TMC5: variants seen among roughly 807,000 people sequenced by gnomAD.
The protein encoded by TMC5 is transmembrane channel-like protein 5.
In TMC5, 86 loss-of-function variants were observed where a neutral mutation model predicts 110.5. That is an observed-to-expected ratio of 0.78 (90% CI 0.65 to 0.93). The LOEUF (loss-of-function observed/expected upper bound fraction) is 0.93. TMC5 is among the 40% of genes least tolerant of loss of function. The probability of loss-of-function intolerance (pLI) is 0.00; values close to 1 mark genes in which losing one functional copy is unlikely to be tolerated. For missense variants in TMC5, 1,144 were observed against 1,222.8 expected, an observed-to-expected ratio of 0.94 and a Z score of 0.96; for synonymous variants, 455 against 439.5, an observed-to-expected ratio of 1.04 and a Z score of -0.44.
At chr16:19,441,343 A>G (rs1967486993) in intron 3 of TMC5, among the ~76,000 whole-genome samples, 1 of 147,256 alleles carries the variant, frequency 6.8e-6, no homozygotes, top group Non-Finnish European at 1.5e-5. Context: ...TTCTTGAGAC[A>G]GGGTCTTGCT....
chr16:19,423,286 C>T (rs1967024123), intron 1 of TMC5, among the ~76,000 whole-genome samples: 1 of 152,178 alleles, frequency 6.6e-6, no homozygotes, highest in Non-Finnish European at 1.5e-5. Context: ...CATCCCTGGC[C>T]TCCACCCACT....
At chr16:19,422,044 C>T (rs961677314) in intron 1 of TMC5, among the ~76,000 whole-genome samples, 1 of 152,026 alleles carries the variant, frequency 6.6e-6, no homozygotes, top group Non-Finnish European at 1.5e-5. Flanking sequence ...TCCTGGCCAA[C>T]ATGGTGAAAC....
chr16:19,481,216 C>G (rs1481570843), intron 14 of TMC5, among the ~76,000 whole-genome samples, 154 bp from the exon 15 acceptor site: 1 of 152,102 alleles, frequency 6.6e-6, no homozygotes, highest in Non-Finnish European at 1.5e-5. Context: ...CAAAAACATG[C>G]TTATAGATTT....
Position 19,487,240 on chromosome 16 carries a change from C to T in TMC5, c.2487C>T (p.Ala829=). 6.2e-7 allele frequency: 1 copy of T among 1,614,146 alleles called. No homozygotes were observed. Among genetic ancestry groups the T allele is most frequent in the Non-Finnish European group, 8.5e-7 (1 of 1,180,012 alleles). Residue 829 remains alanine (A), a synonymous_variant, in exon 17 of 22, where the codon GCC becomes GCT. Transcript: ENST00000542583. ...NFQPPSKAWR[A]SQMMTFFIFL... is the part of the protein sequence containing the mutation. ...AGCCTCCGAGCAAAGCCTGGCGGGC[C>T]TCACAGATGATGACTTTCTTCATCT...
chr16:19,420,700 C>G (rs538459075), intron 1 of TMC5, among the ~76,000 whole-genome samples: 1 of 152,156 alleles, frequency 6.6e-6, no homozygotes, highest in African/African-American at 2.4e-5. Flanking sequence ...TGGTTTCAAG[C>G]AATCCTCCTG....
intron 1 of TMC5, among the ~76,000 whole-genome samples, chr16:19,427,664 A>G (rs1597159902): frequency 6.6e-6 from 1 of 151,934 alleles, no homozygotes; most frequent in East Asian, 1.9e-4. Flanking sequence ...GGGGCCAAAT[A>G]ATTTTCTATT....
At chr16:19,417,609 G>A (rs967766761), upstream of TMC5, 1 of 151,934 alleles carries the variant, frequency 6.6e-6, no homozygotes, top group African/African-American at 2.4e-5. Flanking sequence ...ATAACCTCTA[G>A]AAAGGACTTT....
At chr16:19,456,991 T>C (rs1967893101) in intron 5 of TMC5, 4 of 1,611,996 alleles carry the variant, frequency 2.5e-6, no homozygotes, top group East Asian at 2.2e-5. Context: ...TAGACACTCC[T>C]GGTTCTTCAC....
intron 1 of TMC5, among the ~76,000 whole-genome samples, chr16:19,428,983 G>T (rs1034010701): frequency 1.3e-5 from 2 of 151,960 alleles, no homozygotes; most frequent in African/African-American, 2.4e-5. Flanking sequence ...GAGCCACCAC[G>T]CCTGGCTCAT....
At chr16:19,459,990 G>GT (rs1195906967) in intron 5 of TMC5, among the ~76,000 whole-genome samples, 4 of 149,984 alleles carry the variant, frequency 2.7e-5, no homozygotes, top group Admixed American at 6.7e-5. Flanking sequence ...TTTGCTAAAT[G>GT]TTTTTTGTTA....
At chr16:19,479,591 C>A in intron 14 of TMC5, 63 bp downstream of exon 14, 1 of 1,173,204 alleles carries the variant, frequency 8.5e-7, no homozygotes, top group Non-Finnish European at 1.3e-6. Context: ...TGATTCCTGG[C>A]TGAGTGGGAC....
intron 6 of TMC5, among the ~76,000 whole-genome samples, chr16:19,461,135 A>G (rs1158211414): frequency 3.3e-5 from 5 of 152,260 alleles, no homozygotes; most frequent in Non-Finnish European, 5.9e-5. Flanking sequence ...GTAACGTACC[A>G]GTACTGGTAT....
chr16:19,439,733 C>G (rs965964725), intron 2 of TMC5, among the ~76,000 whole-genome samples: 2 of 152,174 alleles, frequency 1.3e-5, no homozygotes, highest in African/African-American at 4.8e-5. Context: ...CCTCTTTCCT[C>G]TAACAGCACA....
chr16:19,466,187 AC>A lies in TMC5; in HGVS notation c.1592del (p.Thr531LysfsTer6). The A allele has an allele frequency of 6.2e-7, 1 of 1,614,112 alleles. No individual in the cohort carries two copies. Among genetic ancestry groups the A allele is most frequent in the Non-Finnish European group, 8.5e-7 (1 of 1,180,034 alleles). On this transcript the variant is annotated frameshift_variant, in exon 9 of 22. Transcript: ENST00000542583. LOFTEE classifies it high-confidence loss of function. ...SYNMQLAYIF[T>X]IGACLTTCFF... ...CAACATGCAGCTGGCCTACATCTTC[AC>A]AATCGGAGCATGCTTGACCACCTGC...
intron 14 of TMC5, among the ~76,000 whole-genome samples, chr16:19,479,931 C>T (rs576709251): frequency 8.9e-6 from 1 of 112,696 alleles, no homozygotes; most frequent in African/African-American, 4.2e-5. Context: ...CTGTCTCTAT[C>T]CAAAAAAAAA....
chr16:19,443,936 G>A (rs1489353529), intron 3 of TMC5, 145 bp from the exon 4 acceptor site: 2 of 684,840 alleles, frequency 2.9e-6, no homozygotes, highest in Non-Finnish European at 4.8e-6. Flanking sequence ...TGGATACATG[G>A]ATGGATGGAT....
rs10581955 is a variant in TMC5, at chr16:19,499,062, AAAAT to A, written c.*1116_*1119del. 97,482 of 151,030 alleles carry A rather than the reference AAAAT, an allele frequency of 0.65. 32,739 individuals are homozygous for A. Among genetic ancestry groups the A allele is most frequent in the South Asian group, 0.76 (3,657 of 4,790 alleles). The allele number at this position is 151,030 out of a possible 1,614,324, so 9.4% of individuals were successfully genotyped here. The stretch of plus-strand genomic sequence containing the variant: ...GGCAACAGTGAGACTCTGCCTCAAA[AAAAT>A]AAATAAATAAATAAATAAAGTAAAT... On this transcript the variant is annotated 3_prime_UTR_variant, in exon 22 of 22. Transcript: ENST00000542583.
chr16:19,462,275 T>C (rs1336567234), intron 6 of TMC5, among the ~76,000 whole-genome samples: 1 of 152,084 alleles, frequency 6.6e-6, no homozygotes, highest in Non-Finnish European at 1.5e-5. Context: ...CATTGTAGGG[T>C]GTGTAGCAGC....
intron 1 of TMC5, among the ~76,000 whole-genome samples, chr16:19,420,759 G>C (rs1966965838): frequency 6.6e-6 from 1 of 152,162 alleles, no homozygotes; most frequent in Non-Finnish European, 1.5e-5. Context: ...CATCTCGCCT[G>C]TCTGAACATA....
Sources: allele counts gnomAD v4.1 joint callset (sites outside exome capture counted in the v4.1 genomes callset), GRCh38; gene constraint gnomAD v4.1.1; transcripts MANE v1.5; gene names NCBI Gene and HGNC (gene_info 2026-07-23, HGNC 2026-07-21).